FOXP1: variants seen among roughly 807,000 people sequenced by gnomAD.
FOXP1 encodes the protein forkhead box P1, also known as forkhead box protein P1.
Under a neutral mutation model 98.2 loss-of-function variants are expected in FOXP1, and 15 were observed. The observed-to-expected ratio is 0.15, with a 90% CI of 0.10 to 0.24. The LOEUF (loss-of-function observed/expected upper bound fraction) is 0.24. Ranked by LOEUF, FOXP1 falls within the 10% of genes least tolerant of loss-of-function variation. FOXP1 has a pLI of 1.00. For synonymous variants in FOXP1, 371 were observed against 314.5 expected (o/e 1.18, Z -1.90); for missense variants, 633 against 848.5 (o/e 0.75, Z 3.15).
At chr3:71,509,227 C>T (rs1056352721) in intron 2 of FOXP1, among the ~76,000 whole-genome samples, 8 of 152,200 alleles carry the variant, frequency 5.3e-5, no homozygotes, top group African/African-American at 1.7e-4. Flanking sequence ...TAACCCAGTA[C>T]AAGAGACTGG....
At chr3:71,057,028 G>A (rs964435900) in intron 7 of FOXP1, among the ~76,000 whole-genome samples, 2 of 152,152 alleles carry the variant, frequency 1.3e-5, no homozygotes, top group South Asian at 2.1e-4. Flanking sequence ...AGCGGCAAGA[G>A]TGATTGTAGC....
chr3:70,991,862 A>T (rs1410860899), intron 13 of FOXP1, among the ~76,000 whole-genome samples: 2 of 152,204 alleles, frequency 1.3e-5, no homozygotes, highest in Non-Finnish European at 2.9e-5. Flanking sequence ...GCTTGGTCTG[A>T]GTTTCCCACA....
At chr3:71,274,020 G>A (rs1024280244) in intron 5 of FOXP1, among the ~76,000 whole-genome samples, 2 of 152,182 alleles carry the variant, frequency 1.3e-5, no homozygotes, top group Admixed American at 1.3e-4. Context: ...CTTCACTGCA[G>A]GGTAGCCTCC....
At chr3:71,512,384 C>T (rs1462588069) in intron 2 of FOXP1, among the ~76,000 whole-genome samples, 1 of 152,114 alleles carries the variant, frequency 6.6e-6, no homozygotes, top group South Asian at 2.1e-4. Flanking sequence ...AGAGCCATAT[C>T]CCACCTCTCT....
chr3:71,272,244 A>C (rs934289204), intron 5 of FOXP1, among the ~76,000 whole-genome samples: 14 of 152,202 alleles, frequency 9.2e-5, no homozygotes, highest in Admixed American at 3.3e-4. Context: ...AGGAAGAGTC[A>C]AAGTTTGATA....
At chr3:71,432,277 G>A (rs1164524237) in intron 3 of FOXP1, among the ~76,000 whole-genome samples, 1 of 152,166 alleles carries the variant, frequency 6.6e-6, no homozygotes, top group African/African-American at 2.4e-5. Flanking sequence ...CACAGACGCA[G>A]AATATTCCCT....
chr3:71,487,192 C>T (rs956718052), intron 3 of FOXP1, among the ~76,000 whole-genome samples: 18 of 151,958 alleles, frequency 1.2e-4, no homozygotes, highest in Admixed American at 7.2e-4. Context: ...TAATATTTCA[C>T]AGACATAACA....
chr3:71,575,022 T>C (rs867492688), intron 2 of FOXP1, among the ~76,000 whole-genome samples: 1 of 152,032 alleles, frequency 6.6e-6, no homozygotes, highest in Non-Finnish European at 1.5e-5. Flanking sequence ...AATTGACAGG[T>C]CCAGTTTTCC....
intron 20 of FOXP1, among the ~76,000 whole-genome samples, chr3:70,963,424 G>C (rs1217821195): frequency 6.6e-6 from 1 of 152,194 alleles, no homozygotes; most frequent in Non-Finnish European, 1.5e-5. Flanking sequence ...TTCCACGAAA[G>C]ATACATTTGA....
At chr3:71,561,409 A>C (rs1384379802) in intron 2 of FOXP1, among the ~76,000 whole-genome samples, 2 of 132,252 alleles carry the variant, frequency 1.5e-5, no homozygotes, top group African/African-American at 7.9e-5. Flanking sequence ...AAGCTGGCCA[A>C]AAAAAAAAAA....
intron 9 of FOXP1, among the ~76,000 whole-genome samples, chr3:71,047,732 G>A (rs1187164595): frequency 2.0e-5 from 3 of 152,162 alleles, no homozygotes; most frequent in Admixed American, 6.5e-5. Flanking sequence ...TAACATGAAC[G>A]ACAGTCTAAG....
At chr3:71,453,000 A>G (rs969427940) in intron 3 of FOXP1, among the ~76,000 whole-genome samples, 2 of 152,184 alleles carry the variant, frequency 1.3e-5, no homozygotes, top group Non-Finnish European at 1.5e-5. Flanking sequence ...CTCCCTTTAA[A>G]TAAAGCCTGT....
chr3:71,458,855 T>A (rs907921392), intron 3 of FOXP1, among the ~76,000 whole-genome samples: 1 of 152,220 alleles, frequency 6.6e-6, no homozygotes, highest in African/African-American at 2.4e-5. Context: ...CTAATAACAC[T>A]ATTTCTTGCC....
At chr3:71,200,577 C>T (rs542781306) in intron 5 of FOXP1, among the ~76,000 whole-genome samples, 1 of 152,268 alleles carries the variant, frequency 6.6e-6, no homozygotes, top group African/African-American at 2.4e-5. Flanking sequence ...AAAGGAAAAG[C>T]AACAATCATT....
intron 7 of FOXP1, among the ~76,000 whole-genome samples, chr3:71,062,260 T>C (rs2051618700): frequency 1.3e-5 from 2 of 152,246 alleles, no homozygotes; most frequent in East Asian, 1.9e-4. Context: ...TTTCAGCTAG[T>C]TGAGATTTAA....
intron 4 of FOXP1, among the ~76,000 whole-genome samples, chr3:71,327,669 G>A (rs1303128585): frequency 6.6e-6 from 1 of 152,028 alleles, no homozygotes; most frequent in African/African-American, 2.4e-5. Context: ...TTACAGGTGT[G>A]AGCCACTGTG....
rs2044778461 is a variant in FOXP1, at chr3:71,541,197, G to A, written c.-298+40352C>T. 2.0e-5 allele frequency among the ~76,000 whole-genome samples: 3 copies of A among 152,164 alleles called. 1 individual carries two copies. Among genetic ancestry groups the A allele is most frequent in the South Asian group, 4.1e-4 (2 of 4,820 alleles). On this transcript the variant is annotated intron_variant, in intron 2 of 20. Transcript: ENST00000649528. ...AATTATTAGGTAATCAACTTTCATC[G>A]CACACCTATTTACACCTTTACCAAA...
chr3:71,414,606 T>G (rs568472043), intron 3 of FOXP1, among the ~76,000 whole-genome samples: 205 of 152,364 alleles, frequency 1.3e-3, no homozygotes, highest in Middle Eastern at 6.8e-3. Flanking sequence ...CCAAGGGATA[T>G]TCTAACATGG....
At chr3:71,375,499 G>T (rs1231343328) in intron 3 of FOXP1, among the ~76,000 whole-genome samples, 1 of 152,054 alleles carries the variant, frequency 6.6e-6, no homozygotes, top group Non-Finnish European at 1.5e-5. Flanking sequence ...CTTAGGAAAC[G>T]TAAACTCTAG....
Sources: gnomAD v4.1 joint callset for allele counts (sites outside exome capture counted in the v4.1 genomes callset) on GRCh38, gnomAD v4.1.1 for gene constraint, MANE v1.5 for transcripts, NCBI Gene and HGNC (gene_info 2026-07-23, HGNC 2026-07-21) for gene names.